The following ATRNL1 variants were observed in gnomAD, a reference collection of about 807,000 sequenced individuals.
ATRNL1 encodes attractin like 1, also known as attractin-like protein 1.
Under a neutral mutation model 182.7 loss-of-function variants are expected in ATRNL1, and 95 were observed. That is an observed-to-expected ratio of 0.52 (90% CI 0.44 to 0.62). ATRNL1 has a LOEUF of 0.62. Ranked by LOEUF, ATRNL1 falls within the 20% of genes least tolerant of loss-of-function variation. ATRNL1 has a pLI of 0.00. For synonymous variants in ATRNL1, 576 were observed against 568.3 expected (o/e 1.01, Z -0.19); for missense variants, 1,471 against 1,679.5 (o/e 0.88, Z 2.17).
intron 26 of ATRNL1, among the ~76,000 whole-genome samples, chr10:115,578,221 C>T (rs782513479): frequency 5.9e-5 from 9 of 151,628 alleles, no homozygotes; most frequent in Admixed American, 3.9e-4. Context: ...TTTCTTTTCT[C>T]GTGATGTCTC....
chr10:115,271,447 C>T (rs1437117343), intron 13 of ATRNL1, among the ~76,000 whole-genome samples: 6 of 151,902 alleles, frequency 3.9e-5, no homozygotes, highest in South Asian at 4.1e-4. Context: ...CCCCACCCCA[C>T]GACAGGCCCC....
intron 22 of ATRNL1, among the ~76,000 whole-genome samples, chr10:115,464,299 T>C (rs1245581669): frequency 6.6e-6 from 1 of 151,700 alleles, no homozygotes; most frequent in Non-Finnish European, 1.5e-5. Flanking sequence ...AAAATAATAA[T>C]AAAAAGTAGA....
intron 20 of ATRNL1, among the ~76,000 whole-genome samples, chr10:115,404,739 A>G (rs549924463): frequency 3.2e-4 from 49 of 151,950 alleles, no homozygotes; most frequent in African/African-American, 1.2e-3. Flanking sequence ...TAGGTTAGTG[A>G]ACAGTGTGGT....
chr10:115,253,157 T>G (rs1554905768), intron 10 of ATRNL1, among the ~76,000 whole-genome samples: 1 of 152,178 alleles, frequency 6.6e-6, no homozygotes, highest in African/African-American at 2.4e-5. Context: ...TTACAATCAA[T>G]GCCTTTGCAA....
intron 5 of ATRNL1, among the ~76,000 whole-genome samples, chr10:115,151,995 G>C (rs1193939767): frequency 6.6e-6 from 1 of 152,068 alleles, no homozygotes; most frequent in East Asian, 1.9e-4. Context: ...AATTGTTTTT[G>C]TCAGGTTTGT....
chr10:115,749,251 ATTTTG>A (rs1392942236), intron 27 of ATRNL1, among the ~76,000 whole-genome samples: 2 of 151,846 alleles, frequency 1.3e-5, no homozygotes, highest in Admixed American at 6.6e-5. Context: ...TATTGTACTT[ATTTTG>A]TTTTATTTCT....
At position 115,353,786 on chromosome 10, in the gene ATRNL1, C is replaced by T. The variant is rs532244993; in HGVS notation, c.3175+19367C>T. 4.2e-4 allele frequency among the ~76,000 whole-genome samples: 64 copies of T among 151,974 alleles called. 1 individual carries two copies. Among genetic ancestry groups the T allele is most frequent in the African/African-American group, 1.3e-3 (55 of 41,442 alleles). ...TGCAAAAATATTTTATAGCTAACAACGTTAAATTGATAAAAACTCTAATCT... is the reference window on the plus strand; with the variant it reads ...TGCAAAAATATTTTATAGCTAACAATGTTAAATTGATAAAAACTCTAATCT... On this transcript the variant is annotated intron_variant, in intron 19 of 28. Transcript: ENST00000355044.
intron 13 of ATRNL1, among the ~76,000 whole-genome samples, chr10:115,270,649 G>T (rs1554912640): frequency 1.3e-5 from 2 of 151,880 alleles, no homozygotes; most frequent in South Asian, 2.1e-4. Context: ...AAAAGGCAGA[G>T]AGAGGAAATT....
intron 15 of ATRNL1, among the ~76,000 whole-genome samples, chr10:115,298,668 T>G (rs1252245479): frequency 6.6e-6 from 1 of 152,128 alleles, no homozygotes; most frequent in Non-Finnish European, 1.5e-5. Context: ...CTGGTCACAA[T>G]GTGAAGCAGC....
chr10:115,180,033 T>TA (rs1847687690), intron 8 of ATRNL1, among the ~76,000 whole-genome samples: 1 of 152,064 alleles, frequency 6.6e-6, no homozygotes, highest in Non-Finnish European at 1.5e-5. Context: ...AACTTTTTTT[T>TA]GGTTATTATG....
intron 25 of ATRNL1, among the ~76,000 whole-genome samples, chr10:115,543,463 C>A (rs564341396): frequency 2.0e-5 from 3 of 152,112 alleles, no homozygotes; most frequent in African/African-American, 7.2e-5. Flanking sequence ...AGGTAAATTT[C>A]TTCATTTCAA....
Position 115,412,252 on chromosome 10 carries a change from G to C in ATRNL1, c.3270-13998G>C, listed in dbSNP as rs115944635. Among the ~76,000 whole-genome samples, 1,253 of 152,162 alleles carry C rather than the reference G, an allele frequency of 8.2e-3. 17 individuals carry two copies. Among genetic ancestry groups the C allele is most frequent in the African/African-American group, 0.029 (1,195 of 41,530 alleles). ...TAGCAAGTGAAAAACCAAGGCCCTC[G>C]GTCCTATAGTGGTAAGGAAATAAAT... is the stretch of plus-strand genomic sequence containing the variant. On this transcript the variant is annotated intron_variant, in intron 20 of 28. Transcript: ENST00000355044.
chr10:115,781,981 T>C (rs1273764109), intron 27 of ATRNL1, among the ~76,000 whole-genome samples: 1 of 152,168 alleles, frequency 6.6e-6, no homozygotes, highest in Non-Finnish European at 1.5e-5. Context: ...TTCCTGTCGC[T>C]CCATGGATAT....
chr10:115,234,421 T>C (rs1267428905), intron 9 of ATRNL1, among the ~76,000 whole-genome samples: 1 of 151,984 alleles, frequency 6.6e-6, no homozygotes, highest in African/African-American at 2.4e-5. Flanking sequence ...TAAGCATAAA[T>C]ATTTTAAAAT....
At chr10:115,472,867 C>T (rs1848368240) in intron 24 of ATRNL1, among the ~76,000 whole-genome samples, 1 of 151,012 alleles carries the variant, frequency 6.6e-6, no homozygotes, top group African/African-American at 2.4e-5. Flanking sequence ...CTAGGACTAC[C>T]AGTCCTATGT....
chr10:115,871,467 C>CCATATATA (rs1951578505), intron 28 of ATRNL1, among the ~76,000 whole-genome samples: 2 of 16,574 alleles, frequency 1.2e-4, no homozygotes, highest in African/African-American at 1.7e-4. Context: ...TGGTCAGATT[C>CCATATATA]TTTGTGTGTG....
intron 8 of ATRNL1, among the ~76,000 whole-genome samples, chr10:115,192,596 T>C (rs1316841224): frequency 2.6e-5 from 4 of 152,116 alleles, no homozygotes; most frequent in African/African-American, 9.7e-5. Context: ...TGTGGTTTCA[T>C]ATAAATTTTA....
At chr10:115,850,824 C>T (rs527446106) in intron 28 of ATRNL1, among the ~76,000 whole-genome samples, 15 of 152,248 alleles carry the variant, frequency 9.9e-5, no homozygotes, top group African/African-American at 3.4e-4. Context: ...CCTCTATGTT[C>T]TCTTGAGCCT....
At chr10:115,170,365 T>G (rs1554885246) in intron 7 of ATRNL1, among the ~76,000 whole-genome samples, 1 of 152,174 alleles carries the variant, frequency 6.6e-6, no homozygotes, top group East Asian at 1.9e-4. Context: ...TTCCATCATA[T>G]GCATTTGAAA....
Sources: gnomAD v4.1 joint callset for allele counts (sites outside exome capture counted in the v4.1 genomes callset) on GRCh38, gnomAD v4.1.1 for gene constraint, MANE v1.5 for transcripts, NCBI Gene and HGNC (gene_info 2026-07-23, HGNC 2026-07-21) for gene names.